The following STK24 variants were observed in gnomAD, a reference collection of about 807,000 sequenced individuals.
STK24 encodes serine/threonine-protein kinase 24.
Under a neutral mutation model 55.6 loss-of-function variants are expected in STK24, and 21 were observed. That is an observed-to-expected ratio of 0.38 (90% confidence interval 0.27 to 0.54). The LOEUF is 0.54. STK24 is among the 20% of genes least tolerant of loss of function. STK24 has a pLI of 0.79. For synonymous variants in STK24, 200 were observed against 215.2 expected (o/e 0.93, Z 0.62); for missense variants, 383 against 538.4 (o/e 0.71, Z 2.86).
intron 2 of STK24, among the ~76,000 whole-genome samples, chr13:98,483,931 T>C (rs1361271570): frequency 6.6e-6 from 1 of 152,214 alleles, no homozygotes; most frequent in African/African-American, 2.4e-5. Context: ...TTTTAATGTA[T>C]GTTGAATGCT....
chr13:98,497,374 A>C (rs1895287292), intron 2 of STK24, among the ~76,000 whole-genome samples: 1 of 152,216 alleles, frequency 6.6e-6, no homozygotes, highest in South Asian at 2.1e-4. Flanking sequence ...ACTATGAACA[A>C]AATTTATAAG....
intron 1 of STK24, among the ~76,000 whole-genome samples, chr13:98,520,065 C>A (rs1896205802): frequency 6.6e-6 from 1 of 152,256 alleles, no homozygotes; most frequent in Non-Finnish European, 1.5e-5. Flanking sequence ...CTGGAAATAG[C>A]CTCTAAAAGC....
rs767655113 is a variant in STK24, at chr13:98,482,271, T to C, written c.324A>G (p.Leu108=). The change falls in exon 3 of 11, where the codon CTA becomes CTG. Residue 108 remains leucine (L), a synonymous_variant. Transcript: ENST00000539966. ...IMEYLGGGSA[L]DLLEPGPLDE... is the part of the protein sequence containing the mutation. ...CATCCAACATAATACTTACTAGATC[T>C]AGTGCGGAGCCTCCACCAAGATATT... 3 of 1,568,480 alleles carry C rather than the reference T, an allele frequency of 1.9e-6. No homozygotes were observed. Among genetic ancestry groups the C allele is most frequent in the Non-Finnish European group, 2.6e-6 (3 of 1,149,198 alleles).
At chr13:98,492,070 C>A (rs961219308) in intron 2 of STK24, among the ~76,000 whole-genome samples, 1 of 76,726 alleles carries the variant, frequency 1.3e-5, no homozygotes, top group Admixed American at 1.5e-4. Context: ...CTTTAAAGTG[C>A]GTGCGCGTGT....
intron 2 of STK24, among the ~76,000 whole-genome samples, chr13:98,488,605 C>CT (rs1298845169): frequency 6.6e-6 from 1 of 151,968 alleles, no homozygotes; most frequent in Admixed American, 6.6e-5. Flanking sequence ...CAAACACTAG[C>CT]TTTTGCTTCT....
At chr13:98,513,802 A>C (rs1895964454) in intron 2 of STK24, among the ~76,000 whole-genome samples, 1 of 152,216 alleles carries the variant, frequency 6.6e-6, no homozygotes, top group Admixed American at 6.5e-5. Context: ...AATGAGAAAG[A>C]CACTGTGTGC....
intron 3 of STK24, among the ~76,000 whole-genome samples, chr13:98,479,278 T>C (rs1773422577): frequency 6.6e-6 from 1 of 152,258 alleles, no homozygotes; most frequent in South Asian, 2.1e-4. Flanking sequence ...AATTTCCATT[T>C]ACCATTTTAT....
rs190866428 is a variant in STK24 at position 98,543,248 on chromosome 13, G to A, written c.43-23775C>T. On this transcript the variant is annotated intron_variant, in intron 1 of 10. Coordinates refer to ENST00000539966, the MANE Select transcript of STK24 (RefSeq NM_001032296.4). ...AAACCAAATGAATAATTCAACCAAT[G>A]TGCTCCCGCGGCTGGACCTGACAGG... 4.0e-3 allele frequency among the ~76,000 whole-genome samples: 613 copies of A among 152,198 alleles called. 5 individuals carry two copies. The highest frequency in any genetic ancestry group is 6.7e-3 in the Non-Finnish European group (458 of 68,016).
intron 9 of STK24, among the ~76,000 whole-genome samples, chr13:98,459,882 T>C (rs996190444): frequency 3.3e-5 from 5 of 152,268 alleles, no homozygotes; most frequent in Admixed American, 6.5e-5. Context: ...CACTTTCCTC[T>C]GGGAGGGAGA....
At chr13:98,556,240 A>T (rs1175702275) in intron 1 of STK24, among the ~76,000 whole-genome samples, 1 of 152,236 alleles carries the variant, frequency 6.6e-6, no homozygotes, top group African/African-American at 2.4e-5. Flanking sequence ...TCCAGGGTTA[A>T]GGACTATGCT....
At chr13:98,485,833 C>G (rs1383391256) in intron 2 of STK24, among the ~76,000 whole-genome samples, 1 of 152,214 alleles carries the variant, frequency 6.6e-6, no homozygotes, top group Non-Finnish European at 1.5e-5. Flanking sequence ...GGATGGAGCC[C>G]GCTAGACACA....
chr13:98,493,841 T>A (rs1474833076), intron 2 of STK24, among the ~76,000 whole-genome samples: 77 of 139,048 alleles, frequency 5.5e-4, no homozygotes, highest in African/African-American at 2.2e-3. Context: ...AAAAAAAAAT[T>A]TTTTTTTTTT....
At chr13:98,499,243 A>AG (rs1390405338) in intron 2 of STK24, among the ~76,000 whole-genome samples, 1 of 152,026 alleles carries the variant, frequency 6.6e-6, no homozygotes, top group Non-Finnish European at 1.5e-5. Context: ...ATCTCAAAAA[A>AG]AAAAACCAGC....
chr13:98,499,867 C>T (rs766216423), intron 2 of STK24, among the ~76,000 whole-genome samples: 5 of 152,174 alleles, frequency 3.3e-5, no homozygotes, highest in Admixed American at 6.5e-5. Context: ...GTGAGCCATA[C>T]CCACCTGAGG....
At chr13:98,572,462 GA>G (rs1594680054) in intron 1 of STK24, among the ~76,000 whole-genome samples, 2 of 151,818 alleles carry the variant, frequency 1.3e-5, no homozygotes, top group Non-Finnish European at 2.9e-5. Flanking sequence ...ACACTAACAA[GA>G]AAAAAAAGTA....
intron 5 of STK24, among the ~76,000 whole-genome samples, chr13:98,470,727 G>C (rs1566352238): frequency 6.6e-6 from 1 of 152,204 alleles, no homozygotes; most frequent in Non-Finnish European, 1.5e-5. Flanking sequence ...GGGGATCTAT[G>C]CAACAGCATC....
At chr13:98,514,656 C>T (rs1594629162) in intron 2 of STK24, among the ~76,000 whole-genome samples, 1 of 152,174 alleles carries the variant, frequency 6.6e-6, no homozygotes, top group East Asian at 1.9e-4. Flanking sequence ...ACAACAAAAA[C>T]TACTATGGCA....
intron 2 of STK24, among the ~76,000 whole-genome samples, chr13:98,515,883 T>C (rs1896039156): frequency 6.6e-6 from 1 of 152,156 alleles, no homozygotes; most frequent in African/African-American, 2.4e-5. Context: ...CAATCACCCT[T>C]AAAGAACTAA....
intron 4 of STK24, 90 bp from the exon 5 acceptor site, chr13:98,475,068 G>A (rs1308244365): frequency 2.8e-5 from 41 of 1,487,092 alleles, no homozygotes; most frequent in African/African-American, 8.5e-5. Flanking sequence ...GCTGGGTGGC[G>A]AACCCACCGA....
Sources: allele counts gnomAD v4.1 joint callset (sites outside exome capture counted in the v4.1 genomes callset), GRCh38; gene constraint gnomAD v4.1.1; transcripts MANE v1.5; gene names NCBI Gene and HGNC (gene_info 2026-07-23, HGNC 2026-07-21).